ABCA12: variants seen among roughly 807,000 people sequenced by gnomAD.
The protein encoded by ABCA12 is glucosylceramide transporter ABCA12.
In ABCA12, 156 loss-of-function variants were observed where a neutral mutation model predicts 293.5. The observed-to-expected ratio is 0.53, with a 90% CI of 0.47 to 0.61. The LOEUF (loss-of-function observed/expected upper bound fraction) is 0.61. ABCA12 is among the 20% of genes least tolerant of loss of function. ABCA12 has a pLI of 0.00. For synonymous variants in ABCA12, 1,063 were observed against 1,108.0 expected (o/e 0.96, Z 0.81); for missense variants, 2,797 against 3,090.2 (o/e 0.91, Z 2.25).
chr2:215,107,327 T>A lies in ABCA12; in HGVS notation c.163+4270A>T, dbSNP rs35310587. ...TTTGTGCTGTTTTGTTGGCCCTTGATCCTAAGCAGTGTTTTTTGGCTTTAA... is the reference window on the plus strand; with the variant it reads ...TTTGTGCTGTTTTGTTGGCCCTTGAACCTAAGCAGTGTTTTTTGGCTTTAA... On this transcript the variant is annotated intron_variant, in intron 2 of 52. Transcript: ENST00000272895. 1.4e-3 allele frequency among the ~76,000 whole-genome samples: 212 copies of A among 152,350 alleles called. 1 individual carries two copies. The highest frequency in any genetic ancestry group is 2.2e-3 in the Non-Finnish European group (148 of 68,032).
chr2:214,952,368 G>A lies in ABCA12; in HGVS notation c.6648-1285C>T, dbSNP rs551942253. ...CCCGAGTAGCTGGGATTACAGGTGCGTGCCATCACGTCCAGCTAGTTTTTG... is the reference window on the plus strand; with the variant it reads ...CCCGAGTAGCTGGGATTACAGGTGCATGCCATCACGTCCAGCTAGTTTTTG... On this transcript the variant is annotated intron_variant, in intron 44 of 52. Transcript: ENST00000272895. Among the ~76,000 whole-genome samples, 25 of 152,006 alleles carry A rather than the reference G, an allele frequency of 1.6e-4. No homozygotes were observed. The Middle Eastern group carries it at 0.014, about 83-fold the overall frequency.
intron 15 of ABCA12, among the ~76,000 whole-genome samples, chr2:215,014,448 A>G (rs1342286407): frequency 6.6e-6 from 1 of 152,204 alleles, no homozygotes; most frequent in Non-Finnish European, 1.5e-5. Flanking sequence ...AAAGTAGCCA[A>G]GTAAGAAATG....
At chr2:214,982,469 T>C in intron 29 of ABCA12, 86 bp from the exon 30 acceptor site, 2 of 1,073,286 alleles carry the variant, frequency 1.9e-6, no homozygotes, top group Non-Finnish European at 2.8e-6. Context: ...TTGATATGTA[T>C]TCACTAGGTA....
chr2:215,048,922 T>C (rs1701261303), intron 6 of ABCA12, among the ~76,000 whole-genome samples: 1 of 152,114 alleles, frequency 6.6e-6, no homozygotes. Context: ...AAATACTGCA[T>C]TTTCTCACTT....
chr2:215,054,455 A>T, intron 4 of ABCA12, 118 bp downstream of exon 4: 1 of 867,784 alleles, frequency 1.2e-6, no homozygotes, highest in South Asian at 1.4e-5. Flanking sequence ...TAGATCTCAC[A>T]GGGCTATTCT....
intron 16 of ABCA12, 145 bp downstream of exon 16, chr2:215,011,826 A>G (rs1700381084): frequency 1.7e-6 from 2 of 1,180,030 alleles, no homozygotes; most frequent in Admixed American, 2.0e-5. Flanking sequence ...TAAAGTGGCA[A>G]AAAGTGTTGC....
chr2:215,064,330 G>C, intron 2 of ABCA12, 111 bp from the exon 3 acceptor site: 2 of 1,165,090 alleles, frequency 1.7e-6, no homozygotes, highest in Non-Finnish European at 2.5e-6. Flanking sequence ...CCACTCTCCG[G>C]GTCCCCCAAC....
intron 5 of ABCA12, among the ~76,000 whole-genome samples, chr2:215,052,064 A>G (rs1394745522): frequency 6.6e-6 from 1 of 152,140 alleles, no homozygotes; most frequent in Admixed American, 6.6e-5. Context: ...ATACGCTAAG[A>G]AAAAGGATTT....
chr2:214,979,911 G>A (rs915540034), intron 31 of ABCA12, among the ~76,000 whole-genome samples: 5 of 152,142 alleles, frequency 3.3e-5, no homozygotes, highest in African/African-American at 1.2e-4. Flanking sequence ...TAAATCATAT[G>A]TTCTGTTAGG....
chr2:215,015,671 T>C lies in ABCA12; in HGVS notation c.1783-8A>G. On this transcript the variant is annotated splice_region_variant and splice_polypyrimidine_tract_variant and intron_variant, in intron 14 of 52. Transcript: ENST00000272895. The stretch of plus-strand genomic sequence containing the variant: ...GAACACCTGAGAAATAATCTGCAAA[T>C]GGAGGAAGAAAAATATTTCAACTGT... The C allele has an allele frequency of 1.9e-6, 3 of 1,613,196 alleles. No individual in the cohort carries two copies. Among genetic ancestry groups the C allele is most frequent in the Non-Finnish European group, 2.5e-6 (3 of 1,179,222 alleles).
intron 2 of ABCA12, among the ~76,000 whole-genome samples, chr2:215,065,297 T>TAAAAAAAAAA (rs66466863): frequency 4.4e-5 from 2 of 45,126 alleles, no homozygotes; most frequent in African/African-American, 1.8e-4. Flanking sequence ...CATGAATGTG[T>TAAAAAAAAAA]AAAAAAAAAA....
At chr2:215,004,159 TA>T in intron 20 of ABCA12, 49 bp downstream of exon 20, 1 of 1,456,488 alleles carries the variant, frequency 6.9e-7, no homozygotes, top group Non-Finnish European at 9.6e-7. Flanking sequence ...CAATGTTGTT[TA>T]TATGTCCGAC....
intron 1 of ABCA12, among the ~76,000 whole-genome samples, chr2:215,123,908 A>G (rs536585041): frequency 4.0e-4 from 61 of 152,174 alleles, no homozygotes; most frequent in African/African-American, 1.3e-3. Flanking sequence ...GTACTCTTCT[A>G]TCCCTCGCCC....
chr2:215,014,984 G>A (rs1700459068), intron 15 of ABCA12, among the ~76,000 whole-genome samples: 1 of 152,116 alleles, frequency 6.6e-6, no homozygotes, highest in African/African-American at 2.4e-5. Context: ...ACTTTACTAA[G>A]CTCTAATAAC....
chr2:214,979,015 A>G lies in ABCA12; in HGVS notation c.4766T>C (p.Val1589Ala). 1 of 1,614,100 alleles carries G rather than the reference A, an allele frequency of 6.2e-7. No individual in the cohort carries two copies. Among genetic ancestry groups the G allele is most frequent in the Non-Finnish European group, 8.5e-7 (1 of 1,179,966 alleles). Residue 1589 changes from valine (V) to alanine (A), a missense_variant, in exon 32 of 53, where the codon GTA becomes GCA. Val to Ala is a moderately conservative substitution (Grantham distance 64). Around this residue, in one of 3 missense-constraint regions of ABCA12, gnomAD observed 2,130 missense variants for 2,427.0 expected, o/e 0.88. Transcript: ENST00000272895. ...TGCTGTCACGGCCATGGTGTCACAT[A>G]CTGCATTTGCATTTAAATTTGGACT... ...KKSPNLNANAVCDTMAVTAMI... is the reference protein window; with the variant it reads ...KKSPNLNANAACDTMAVTAMI...
chr2:215,016,127 G>GTCT (rs1700492354), intron 14 of ABCA12, among the ~76,000 whole-genome samples: 1 of 151,960 alleles, frequency 6.6e-6, no homozygotes, highest in Non-Finnish European at 1.5e-5. Flanking sequence ...CTGGGAGACA[G>GTCT]GGTGAGACTC....
At chr2:215,027,072 C>CG in intron 9 of ABCA12, 134 bp from the exon 10 acceptor site, 2 of 654,170 alleles carry the variant, frequency 3.1e-6, no homozygotes. Flanking sequence ...TGGCCGGGCG[C>CG]GGTGGCTCAC....
At position 214,934,200 on chromosome 2, in the gene ABCA12, T is replaced by C. The variant is rs1698150260; in HGVS notation, c.7558A>G (p.Met2520Val). 6.2e-7 allele frequency: 1 copy of C among 1,613,766 alleles called. No individual in the cohort carries two copies. Among genetic ancestry groups the C allele is most frequent in the Non-Finnish European group, 8.5e-7 (1 of 1,179,732 alleles). Reference protein sequence around the residue: ...KTYLKDQHLSMLEYHVPVTAG... With the variant: ...KTYLKDQHLSVLEYHVPVTAG... ...GTGACTGGTACATGATACTCTAGCA[T>C]GCTGAGGTGCTGATCCTGTGGGAAC... Residue 2520 changes from methionine to valine, a missense_variant, in exon 52 of 53, where the codon ATG (methionine) becomes GTG (valine). By Grantham distance (21) the Met-to-Val change is conservative. Transcript: ENST00000272895.
intron 36 of ABCA12, among the ~76,000 whole-genome samples, chr2:214,971,867 C>A (rs549606251): frequency 6.6e-6 from 1 of 152,104 alleles, no homozygotes; most frequent in Admixed American, 6.6e-5. Context: ...AAATTAAATT[C>A]CCAGAGCAGA....
Sources: gnomAD v4.1 joint callset for allele counts (sites outside exome capture counted in the v4.1 genomes callset) on GRCh38, gnomAD v4.1.1 for gene constraint, gnomAD v4.1.1 regional missense constraint, MANE v1.5 for transcripts, NCBI Gene and HGNC (gene_info 2026-07-23, HGNC 2026-07-21) for gene names.